Variants in ADCY8 observed in about 807,000 individuals in gnomAD.
ADCY8 encodes the protein adenylate cyclase 8, also known as adenylate cyclase type 8.
A neutral mutation model predicts 119.7 loss-of-function variants in ADCY8; 51 were observed. The observed-to-expected ratio is 0.43, with a 90% CI of 0.34 to 0.54. ADCY8 has a LOEUF of 0.54. ADCY8 is among the 20% of genes least tolerant of loss of function. ADCY8 has a pLI of 0.03. For missense variants in ADCY8, 1,383 were observed against 1,598.8 expected (o/e 0.87, Z 2.30); for synonymous variants, 665 against 651.0 (o/e 1.02, Z -0.33).
intron 1 of ADCY8, among the ~76,000 whole-genome samples, chr8:131,009,313 C>G (rs1318469115): frequency 6.6e-6 from 1 of 152,198 alleles, no homozygotes; most frequent in Non-Finnish European, 1.5e-5. Context: ...GAGCCCCAGT[C>G]ATGGCTAAAA....
intron 15 of ADCY8, among the ~76,000 whole-genome samples, chr8:130,796,612 A>G (rs1815585157): frequency 6.6e-6 from 1 of 152,036 alleles, no homozygotes; most frequent in African/African-American, 2.4e-5. Context: ...ACAAAACAAA[A>G]CAAAACAAAA....
chr8:130,981,656 C>T (rs560282911), intron 2 of ADCY8, among the ~76,000 whole-genome samples: 1 of 152,274 alleles, frequency 6.6e-6, no homozygotes, highest in East Asian at 1.9e-4. Flanking sequence ...TATAATTGCA[C>T]ATGAGCATAG....
Position 130,836,451 on chromosome 8 carries a change from T to G in ADCY8, c.2503-2A>C. The G allele has an allele frequency of 1.9e-6, 3 of 1,612,748 alleles. No individual in the cohort carries two copies. The highest frequency in any genetic ancestry group is 2.5e-6 in the Non-Finnish European group (3 of 1,179,316). On this transcript the variant is annotated splice_acceptor_variant, in intron 11 of 17. Transcript: ENST00000286355. LOFTEE classifies it high-confidence loss of function. ...CAACACCCCCGTGAAGACAAAGTACTGGAAACAGAGAATGCAGGTGGTCAG... is the reference window on the plus strand; with the variant it reads ...CAACACCCCCGTGAAGACAAAGTACGGGAAACAGAGAATGCAGGTGGTCAG...
At chr8:130,942,234 G>A (rs556545801) in intron 4 of ADCY8, among the ~76,000 whole-genome samples, 7 of 152,166 alleles carry the variant, frequency 4.6e-5, no homozygotes, top group African/African-American at 1.2e-4. Flanking sequence ...GGTGTTGCAC[G>A]TAAGAGTGGA....
At chr8:130,964,747 C>T (rs758977651) in intron 2 of ADCY8, among the ~76,000 whole-genome samples, 1 of 152,192 alleles carries the variant, frequency 6.6e-6, no homozygotes, top group Non-Finnish European at 1.5e-5. Context: ...AAAATGCTTT[C>T]CACAGTAGTT....
intron 12 of ADCY8, among the ~76,000 whole-genome samples, chr8:130,823,114 A>G (rs1309363034): frequency 6.6e-6 from 1 of 152,230 alleles, no homozygotes; most frequent in Non-Finnish European, 1.5e-5. Flanking sequence ...AGAAGACTTT[A>G]AGCCCAGAAA....
At chr8:130,901,526 G>A (rs1022307767) in intron 7 of ADCY8, among the ~76,000 whole-genome samples, 27 of 152,122 alleles carry the variant, frequency 1.8e-4, no homozygotes, top group Admixed American at 1.5e-3. Context: ...CGGGGCTTCC[G>A]TGGAATTGAC....
chr8:130,886,532 G>GT (rs145670857), intron 7 of ADCY8, among the ~76,000 whole-genome samples: 2,469 of 152,140 alleles, frequency 0.016, 65 homozygotes, highest in African/African-American at 0.055. Flanking sequence ...TTTCTCATTG[G>GT]TTTTTTGGTC....
rs1402207164 is a variant in ADCY8 at position 130,951,878 on chromosome 8, CAT to C, written c.1229_1230del (p.Tyr410Ter). On this transcript the variant is annotated frameshift_variant, in exon 3 of 18. Coordinates refer to ENST00000286355, the MANE Select transcript of ADCY8 (RefSeq NM_001115.3). LOFTEE classifies it high-confidence loss of function. ...TGTTGTGTTTCTCACCTGACGTTCT[CAT>C]AGCGATGGATGTAGATCCGATGGAA... ...HQFHRIYIHRYENVSILFADV... is the reference protein window; with the variant it reads ...HQFHRIYIHRXENVSILFADV... 1 of 1,614,014 alleles carries C rather than the reference CAT, an allele frequency of 6.2e-7. No individual in the cohort carries two copies. Among genetic ancestry groups the C allele is most frequent in the Non-Finnish European group, 8.5e-7 (1 of 1,179,958 alleles).
intron 5 of ADCY8, among the ~76,000 whole-genome samples, chr8:130,911,545 T>C (rs67290545): frequency 0.11 from 16,708 of 151,804 alleles, 957 homozygotes; most frequent in Non-Finnish European, 0.12. Flanking sequence ...TTTAAACCCA[T>C]TGCTCTCTAA....
chr8:130,819,413 G>C (rs1410364479), intron 13 of ADCY8, among the ~76,000 whole-genome samples: 1 of 152,138 alleles, frequency 6.6e-6, no homozygotes, highest in East Asian at 1.9e-4. Flanking sequence ...AGGACAAATG[G>C]AGCACAGGAT....
At chr8:130,898,872 A>T (rs1350667239) in intron 7 of ADCY8, among the ~76,000 whole-genome samples, 1 of 152,210 alleles carries the variant, frequency 6.6e-6, no homozygotes, top group Non-Finnish European at 1.5e-5. Context: ...TTGTCCCGAC[A>T]GTCCATTCTT....
chr8:130,912,077 G>T (rs956080216), intron 5 of ADCY8, among the ~76,000 whole-genome samples: 1 of 152,122 alleles, frequency 6.6e-6, no homozygotes, highest in African/African-American at 2.4e-5. Flanking sequence ...CTCTTTCAAT[G>T]GAAGAGCTTC....
chr8:130,916,964 C>T (rs926648386), intron 5 of ADCY8, among the ~76,000 whole-genome samples: 8 of 152,170 alleles, frequency 5.3e-5, no homozygotes, highest in Non-Finnish European at 1.2e-4. Context: ...AAGGTCTCCC[C>T]GACCGAGCTG....
At chr8:131,033,081 A>G (rs1824045234) in intron 1 of ADCY8, among the ~76,000 whole-genome samples, 1 of 152,236 alleles carries the variant, frequency 6.6e-6, no homozygotes, top group African/African-American at 2.4e-5. Context: ...GTCCAGCTGC[A>G]TATTCTGAGT....
At chr8:130,800,295 T>C in intron 15 of ADCY8, 131 bp downstream of exon 15, 1 of 996,462 alleles carries the variant, frequency 1.0e-6, no homozygotes, top group Non-Finnish European at 1.5e-6. Flanking sequence ...TAATACATGT[T>C]TGTGTTTATA....
intron 12 of ADCY8, among the ~76,000 whole-genome samples, chr8:130,824,506 T>C (rs1382784933): frequency 6.6e-6 from 1 of 152,206 alleles, no homozygotes; most frequent in Non-Finnish European, 1.5e-5. Context: ...CTTAAGGTCC[T>C]AAAGGATAAA....
In ADCY8 at chr8:130,919,442, T is replaced by G. The variant is rs1198312042; in HGVS notation, c.1482-9576A>C. Among the ~76,000 whole-genome samples the G allele has an allele frequency of 2.0e-5, 3 of 152,298 alleles. No homozygotes were observed. The East Asian group carries it at 5.8e-4, about 29-fold the overall frequency. On this transcript the variant is annotated intron_variant, in intron 5 of 17. Transcript: ENST00000286355. ...AATTTCATGTAAAGGGGTTGATCTC[T>G]GAGTGCCAATGTGGCCTCTCTCCTA...
At chr8:130,905,067 C>T (rs72714438) in intron 6 of ADCY8, among the ~76,000 whole-genome samples, 11,466 of 152,236 alleles carry the variant, frequency 0.075, 486 homozygotes, top group Non-Finnish European at 0.1. Flanking sequence ...ATATGGGAAA[C>T]ATAATAACAC....
Sources: allele counts gnomAD v4.1 joint callset (sites outside exome capture counted in the v4.1 genomes callset), GRCh38; gene constraint gnomAD v4.1.1; transcripts MANE v1.5; gene names NCBI Gene and HGNC (gene_info 2026-07-23, HGNC 2026-07-21).